The following DCC variants were observed in gnomAD, a reference collection of about 807,000 sequenced individuals.
DCC encodes DCC netrin 1 receptor, also known as netrin receptor DCC.
Under a neutral mutation model 172.5 loss-of-function variants are expected in DCC, and 58 were observed. The ratio of observed to expected loss-of-function variants is 0.34; its 90% CI spans 0.27 to 0.42. The LOEUF (loss-of-function observed/expected upper bound fraction) is 0.42. Ranked by LOEUF, DCC falls within the 10% of genes least tolerant of loss-of-function variation. The pLI is 1.00. For synonymous variants in DCC, 709 were observed against 644.5 expected (o/e 1.10, Z -1.52); for missense variants, 1,740 against 1,791.0 (o/e 0.97, Z 0.51).
chr18:53,403,408 C>T (rs549287165), intron 19 of DCC, among the ~76,000 whole-genome samples: 1 of 152,262 alleles, frequency 6.6e-6, no homozygotes, highest in South Asian at 2.1e-4. Flanking sequence ...TATTGACTGA[C>T]AGAAATTGAA....
chr18:52,393,570 T>C (rs1986109334), intron 1 of DCC, among the ~76,000 whole-genome samples: 1 of 152,066 alleles, frequency 6.6e-6, no homozygotes, highest in Non-Finnish European at 1.5e-5. Flanking sequence ...TGCATCAGTA[T>C]CACCAGGAGC....
At chr18:53,482,074 TTGTG>T (rs1379216604) in intron 25 of DCC, among the ~76,000 whole-genome samples, 2 of 151,674 alleles carry the variant, frequency 1.3e-5, no homozygotes, top group South Asian at 4.2e-4. Flanking sequence ...ATGTGTGTGT[TTGTG>T]TGTGTGTGTA....
chr18:52,866,174 G>A (rs533030035), intron 2 of DCC, among the ~76,000 whole-genome samples: 46 of 152,184 alleles, frequency 3.0e-4, no homozygotes, highest in African/African-American at 8.4e-4. Flanking sequence ...GCTTGTTTTC[G>A]TTAGGTTTCT....
chr18:52,820,052 T>TG (rs1230073716), intron 2 of DCC, among the ~76,000 whole-genome samples: 1 of 152,130 alleles, frequency 6.6e-6, no homozygotes, highest in Admixed American at 6.5e-5. Flanking sequence ...TTTTTCAACG[T>TG]GGGAGTGAGC....
At chr18:53,324,240 G>C (rs2057442376) in intron 14 of DCC, among the ~76,000 whole-genome samples, 2 of 152,194 alleles carry the variant, frequency 1.3e-5, no homozygotes, top group African/African-American at 4.8e-5. Context: ...TAATTGAAAA[G>C]TTGTGGAGCT....
chr18:52,554,952 G>A (rs1296083961), intron 1 of DCC, among the ~76,000 whole-genome samples: 1 of 152,026 alleles, frequency 6.6e-6, no homozygotes, highest in African/African-American at 2.4e-5. Context: ...ATGAATGAAA[G>A]ATAAAAGATA....
At chr18:53,461,230 T>A (rs1344568824) in intron 24 of DCC, among the ~76,000 whole-genome samples, 1 of 151,582 alleles carries the variant, frequency 6.6e-6, no homozygotes, top group Non-Finnish European at 1.5e-5. Context: ...ATTTTGTAGG[T>A]TGCCTGTTCA....
chr18:53,397,472 A>T (rs1056143719), intron 18 of DCC, 26 bp downstream of exon 18: 1 of 1,613,160 alleles, frequency 6.2e-7, no homozygotes, highest in African/African-American at 1.3e-5. Flanking sequence ...TCTACTTTGG[A>T]CCCTTGATAA....
chr18:53,088,533 A>G (rs1470308647), intron 7 of DCC, among the ~76,000 whole-genome samples: 1 of 152,208 alleles, frequency 6.6e-6, no homozygotes, highest in Non-Finnish European at 1.5e-5. Flanking sequence ...TAGATATACA[A>G]TCATGTCGTC....
chr18:53,355,042 C>T (rs1051965626), intron 15 of DCC, among the ~76,000 whole-genome samples: 1 of 152,102 alleles, frequency 6.6e-6, no homozygotes, highest in East Asian at 1.9e-4. Flanking sequence ...ATCCTTTCCC[C>T]ATTTCTTGTT....
intron 3 of DCC, among the ~76,000 whole-genome samples, chr18:52,914,898 C>T (rs939138027): frequency 6.6e-6 from 1 of 152,052 alleles, no homozygotes; most frequent in Non-Finnish European, 1.5e-5. Flanking sequence ...GAAAATACCC[C>T]ACAGTAGCCT....
At chr18:53,023,984 G>T (rs563621903) in intron 5 of DCC, among the ~76,000 whole-genome samples, 1 of 152,172 alleles carries the variant, frequency 6.6e-6, no homozygotes, top group South Asian at 2.1e-4. Flanking sequence ...GTTCAGTTAT[G>T]GTTCAGATGA....
intron 27 of DCC, among the ~76,000 whole-genome samples, chr18:53,516,575 A>G (rs1169701863): frequency 1.3e-5 from 2 of 151,342 alleles, no homozygotes; most frequent in African/African-American, 2.5e-5. Context: ...AATATCCAGA[A>G]TCTACAATGA....
intron 2 of DCC, among the ~76,000 whole-genome samples, chr18:52,767,064 G>A (rs1333937436): frequency 6.6e-6 from 1 of 151,000 alleles, no homozygotes; most frequent in Admixed American, 6.6e-5. Flanking sequence ...TATGAGTATT[G>A]GCCTGTTTCC....
chr18:53,301,896 G>T (rs548590259), intron 12 of DCC, among the ~76,000 whole-genome samples: 1 of 152,138 alleles, frequency 6.6e-6, no homozygotes, highest in African/African-American at 2.4e-5. Context: ...TGGTATTCTA[G>T]GGCTGCCATA....
intron 12 of DCC, among the ~76,000 whole-genome samples, chr18:53,290,078 T>C (rs1421148192): frequency 6.6e-6 from 1 of 152,202 alleles, no homozygotes; most frequent in African/African-American, 2.4e-5. Context: ...TATATGACAC[T>C]ATTTTTAATC....
chr18:52,627,155 GTTATTCTT>G (rs1250731675), intron 1 of DCC, among the ~76,000 whole-genome samples: 1 of 152,150 alleles, frequency 6.6e-6, no homozygotes, highest in African/African-American at 2.4e-5. Flanking sequence ...TAGAGCCCCA[GTTATTCTT>G]TATTGCACAA....
At chr18:53,431,004 C>G (rs548357896) in intron 21 of DCC, among the ~76,000 whole-genome samples, 6 of 152,020 alleles carry the variant, frequency 3.9e-5, no homozygotes, top group Non-Finnish European at 8.8e-5. Context: ...ACCCCTTAAA[C>G]GACTTTATGA....
intron 12 of DCC, among the ~76,000 whole-genome samples, chr18:53,300,046 A>G (rs2057114399): frequency 6.6e-6 from 1 of 152,250 alleles, no homozygotes; most frequent in Admixed American, 6.5e-5. Flanking sequence ...AATAGTGGAA[A>G]CAAAGTAAAG....
Sources: gnomAD v4.1 joint callset for allele counts (sites outside exome capture counted in the v4.1 genomes callset) on GRCh38, gnomAD v4.1.1 for gene constraint, MANE v1.5 for transcripts, NCBI Gene and HGNC (gene_info 2026-07-23, HGNC 2026-07-21) for gene names.